GALNT17: variants seen among roughly 807,000 people sequenced by gnomAD.
The protein encoded by GALNT17 is UDP-GalNAc:polypeptide N-acetylgalactosaminyltransferase-like 3.
A neutral mutation model predicts 63.7 loss-of-function variants in GALNT17; 29 were observed. That is an observed-to-expected ratio of 0.46 (90% CI 0.34 to 0.62). The LOEUF is 0.62. Ranked by LOEUF, GALNT17 falls within the 20% of genes least tolerant of loss-of-function variation. The probability of loss-of-function intolerance (pLI) is 0.01; values close to 1 mark genes in which losing one functional copy is unlikely to be tolerated. For synonymous variants in GALNT17, 305 were observed against 318.3 expected (o/e 0.96, Z 0.45); for missense variants, 603 against 799.6 (o/e 0.75, Z 2.97).
In GALNT17 at chr7:71,287,090, CT is replaced by C. The variant is rs1790888655; in HGVS notation, c.239-48455del. ...ACTGCGTCCAGCTGCTTTTAAGTTCCTTTTTGTTTTGTTTTTTGAGACAAGG... is the reference window on the plus strand; with the variant it reads ...ACTGCGTCCAGCTGCTTTTAAGTTCCTTTTGTTTTGTTTTTTGAGACAAGG... On this transcript the variant is annotated intron_variant, in intron 1 of 10. Transcript: ENST00000333538. 4.6e-5 allele frequency among the ~76,000 whole-genome samples: 7 copies of C among 151,048 alleles called. 1 individual carries two copies. In the South Asian group the frequency reaches 1.5e-3, roughly 32 times the overall value.
chr7:71,681,165 T>C (rs1791255966), intron 9 of GALNT17, among the ~76,000 whole-genome samples: 1 of 152,170 alleles, frequency 6.6e-6, no homozygotes, highest in Admixed American at 6.5e-5. Flanking sequence ...CCTCCCAGAG[T>C]GCTGGGATTA....
At chr7:71,455,566 C>T (rs1439043376) in intron 5 of GALNT17, among the ~76,000 whole-genome samples, 1 of 150,392 alleles carries the variant, frequency 6.6e-6, no homozygotes, top group African/African-American at 2.5e-5. Flanking sequence ...ATTTAGCAAA[C>T]ATTTCTTGAA....
chr7:71,259,458 G>A (rs1281502348), intron 1 of GALNT17, among the ~76,000 whole-genome samples: 1 of 152,074 alleles, frequency 6.6e-6, no homozygotes, highest in Non-Finnish European at 1.5e-5. Flanking sequence ...AGTTAGCAGG[G>A]GCAGATATAG....
At chr7:71,393,692 G>A (rs2906259) in intron 3 of GALNT17, among the ~76,000 whole-genome samples, 38,217 of 152,022 alleles carry the variant, frequency 0.25, 6,660 homozygotes, top group African/African-American at 0.5. Flanking sequence ...AGAAGCAGAC[G>A]AGATGAGACT....
intron 1 of GALNT17, among the ~76,000 whole-genome samples, chr7:71,292,074 G>A (rs555137529): frequency 6.6e-6 from 1 of 152,286 alleles, no homozygotes; most frequent in East Asian, 1.9e-4. Context: ...ATATTTTCAA[G>A]CTAGTTTATA....
At chr7:71,671,411 A>G (rs926298590) in intron 8 of GALNT17, among the ~76,000 whole-genome samples, 3 of 152,180 alleles carry the variant, frequency 2.0e-5, no homozygotes, top group African/African-American at 7.2e-5. Flanking sequence ...ACAACTGTGG[A>G]TTTTCCTATT....
At chr7:71,427,223 G>C (rs929715949) in intron 5 of GALNT17, among the ~76,000 whole-genome samples, 1 of 151,322 alleles carries the variant, frequency 6.6e-6, no homozygotes, top group African/African-American at 2.4e-5. Flanking sequence ...GGGACTACAG[G>C]TGCGTGCCTC....
At chr7:71,386,686 G>A (rs150478760) in intron 2 of GALNT17, among the ~76,000 whole-genome samples, 2 of 152,192 alleles carry the variant, frequency 1.3e-5, no homozygotes, top group Non-Finnish European at 2.9e-5. Context: ...TAATCACTGC[G>A]CTCGGGCATA....
intron 2 of GALNT17, among the ~76,000 whole-genome samples, chr7:71,374,723 G>GAA (rs67711248): frequency 8.3e-5 from 2 of 24,176 alleles, no homozygotes; most frequent in Non-Finnish European, 1.6e-4. Context: ...TTCAGGATGG[G>GAA]AAGGCATTTT....
chr7:71,258,927 A>G (rs899637877), intron 1 of GALNT17, among the ~76,000 whole-genome samples: 7 of 152,224 alleles, frequency 4.6e-5, no homozygotes, highest in African/African-American at 1.7e-4. Context: ...GAAAAGACAT[A>G]CAAAAGCATG....
chr7:71,195,921 A>G (rs1320732053), intron 1 of GALNT17, among the ~76,000 whole-genome samples: 1 of 152,006 alleles, frequency 6.6e-6, no homozygotes, highest in Non-Finnish European at 1.5e-5. Context: ...ACTTATGACC[A>G]GCCCCCAATA....
chr7:71,366,444 G>A (rs927262544), intron 2 of GALNT17, among the ~76,000 whole-genome samples: 13 of 152,142 alleles, frequency 8.5e-5, no homozygotes, highest in Admixed American at 7.2e-4. Context: ...AGCTAGGCAT[G>A]GTGGCGGGCG....
At chr7:71,276,878 A>G (rs949765830) in intron 1 of GALNT17, among the ~76,000 whole-genome samples, 2 of 152,118 alleles carry the variant, frequency 1.3e-5, no homozygotes. Context: ...GGCACCTGTA[A>G]TCCCAGCTAC....
chr7:71,710,672 G>T, intron 9 of GALNT17, 89 bp from the exon 10 acceptor site: 1 of 1,469,288 alleles, frequency 6.8e-7, no homozygotes, highest in South Asian at 1.2e-5. Flanking sequence ...AACAGCAGGA[G>T]TAAAGCCGAG....
At chr7:71,552,289 C>T (rs1789093401) in intron 5 of GALNT17, among the ~76,000 whole-genome samples, 1 of 151,954 alleles carries the variant, frequency 6.6e-6, no homozygotes, top group Non-Finnish European at 1.5e-5. Context: ...AAACAATCCA[C>T]CCACCTTGGC....
chr7:71,632,963 G>A (rs1187670742), intron 6 of GALNT17, among the ~76,000 whole-genome samples: 1 of 151,832 alleles, frequency 6.6e-6, no homozygotes, highest in East Asian at 1.9e-4. Flanking sequence ...AACTAGCTGG[G>A]CATGGTGGCA....
chr7:71,341,446 G>C (rs1792003440), intron 2 of GALNT17, among the ~76,000 whole-genome samples: 1 of 151,988 alleles, frequency 6.6e-6, no homozygotes, highest in African/African-American at 2.4e-5. Flanking sequence ...ATCCCACCCA[G>C]TTCCTACATA....
intron 1 of GALNT17, among the ~76,000 whole-genome samples, chr7:71,265,473 TAAG>T (rs1790477330): frequency 6.6e-6 from 1 of 152,090 alleles, no homozygotes; most frequent in African/African-American, 2.4e-5. Flanking sequence ...GAGAAATTCT[TAAG>T]AAGATCTTTA....
At chr7:71,150,268 C>T (rs192801230) in intron 1 of GALNT17, among the ~76,000 whole-genome samples, 7 of 152,078 alleles carry the variant, frequency 4.6e-5, no homozygotes, top group South Asian at 2.1e-4. Context: ...CAATATCAAG[C>T]GGCATAGAAC....
Sources: gnomAD v4.1 joint callset for allele counts (sites outside exome capture counted in the v4.1 genomes callset) on GRCh38, gnomAD v4.1.1 for gene constraint, MANE v1.5 for transcripts, NCBI Gene and HGNC (gene_info 2026-07-23, HGNC 2026-07-21) for gene names.